ZNF705A: variants seen among roughly 807,000 people sequenced by gnomAD.
The protein encoded by ZNF705A is zinc finger protein 705A.
Under a neutral mutation model 16.6 loss-of-function variants are expected in ZNF705A, and 8 were observed. The observed-to-expected ratio is 0.48, with a 90% CI of 0.28 to 0.87. The LOEUF is 0.87. Among genes scored for constraint, ZNF705A ranks in the 40% least tolerant of loss-of-function variants. The pLI is 0.10. For missense variants in ZNF705A, 233 were observed against 359.9 expected, an observed-to-expected ratio of 0.65 and a Z score of 2.85; for synonymous variants, 73 against 117.3, an observed-to-expected ratio of 0.62 and a Z score of 2.44.
At chr12:8,162,999 AC>A (rs1471470672) in intron 1 of ZNF705A, among the ~76,000 whole-genome samples, 3 of 152,298 alleles carry the variant, frequency 2.0e-5, no homozygotes. Context: ...ATTCCTCAGA[AC>A]TGAGGAGGGA....
chr12:8,160,401 A>G (rs1164206396), intron 1 of ZNF705A, among the ~76,000 whole-genome samples: 1 of 152,080 alleles, frequency 6.6e-6, no homozygotes, highest in African/African-American at 2.4e-5. Context: ...GAATTTGTAG[A>G]TTGCTTTTGG....
In ZNF705A at chr12:8,176,881, G is replaced by A. The variant is rs192349259; in HGVS notation, c.319-118G>A. Reference sequence around the variant, plus strand: ...AATTTCCTTTCACACAAGAAACATTGGAAAGCTTTCAACTGGGGTCTACCA... The same window carrying A: ...AATTTCCTTTCACACAAGAAACATTAGAAAGCTTTCAACTGGGGTCTACCA... On this transcript the variant is annotated intron_variant, in intron 4 of 4. Coordinates refer to ENST00000359286, the Ensembl canonical transcript of ZNF705A. 7.3e-5 allele frequency: 105 copies of A among 1,437,398 alleles called. 1 individual carries two copies. The East Asian group carries it at 1.0e-3, about 14-fold the overall frequency. The allele number at this position is 1,437,398 out of a possible 1,614,324, so 89.0% of individuals were successfully genotyped here.
At chr12:8,165,715 C>G (rs372889343) in intron 1 of ZNF705A, among the ~76,000 whole-genome samples, 1 of 151,880 alleles carries the variant, frequency 6.6e-6, no homozygotes, top group Admixed American at 6.6e-5. Flanking sequence ...TCTGTTGTTC[C>G]GATCTTTACG....
At chr12:8,162,367 T>C (rs1250603773) in intron 1 of ZNF705A, among the ~76,000 whole-genome samples, 1 of 152,172 alleles carries the variant, frequency 6.6e-6, no homozygotes, top group Non-Finnish European at 1.5e-5. Flanking sequence ...AGTATGCCTT[T>C]GGAGTAGTCC....
intron 1 of ZNF705A, among the ~76,000 whole-genome samples, chr12:8,162,143 T>C (rs979977253): frequency 6.6e-6 from 1 of 152,140 alleles, no homozygotes; most frequent in Non-Finnish European, 1.5e-5. Context: ...AACTTGGGCA[T>C]AAATGTTTAG....
chr12:8,171,670 A>G (rs1212192553), upstream of ZNF705A, among the ~76,000 whole-genome samples: 2 of 152,196 alleles, frequency 1.3e-5, no homozygotes, highest in Non-Finnish European at 2.9e-5. Flanking sequence ...TTTAAGGGCT[A>G]GATTAGCAGG....
At chr12:8,159,468 C>G (rs1255850621) in intron 1 of ZNF705A, among the ~76,000 whole-genome samples, 1 of 152,104 alleles carries the variant, frequency 6.6e-6, no homozygotes, top group Non-Finnish European at 1.5e-5. Flanking sequence ...ATGTCAACAT[C>G]TATTGTTTTT....
intron 4 of ZNF705A, among the ~76,000 whole-genome samples, chr12:8,176,491 A>C (rs1467397374): frequency 1.3e-5 from 2 of 152,208 alleles, no homozygotes; most frequent in Non-Finnish European, 2.9e-5. Flanking sequence ...TTTCTGGCTC[A>C]GTGAATCTGG....
At chr12:8,172,810 A>T (rs1948455548) in intron 1 of ZNF705A, among the ~76,000 whole-genome samples, 173 bp downstream of exon 2, 1 of 152,240 alleles carries the variant, frequency 6.6e-6, no homozygotes, top group African/African-American at 2.4e-5. Flanking sequence ...GCTTTCAGGT[A>T]TCTGGCCTCC....
At chr12:8,158,131 A>G (rs1948325040) in intron 1 of ZNF705A, among the ~76,000 whole-genome samples, 1 of 152,160 alleles carries the variant, frequency 6.6e-6, no homozygotes, top group African/African-American at 2.4e-5. Flanking sequence ...ACATAGCTCA[A>G]AGAAAGGGAG....
At position 8,165,278 on chromosome 12, in the gene ZNF705A, ATT is replaced by A. The variant is rs36022408; in HGVS notation, c.-71-7256_-71-7255del. On this transcript the variant is annotated intron_variant, in intron 1 of 5. Coordinates refer to the ZNF705A transcript ENST00000396570. ...GAAATGTCTACTCAGATCTTTGCCC[ATT>A]TTTTTTTTTTTTTTTTTTTTGAGAT... is the stretch of plus-strand genomic sequence containing the variant. Among the ~76,000 whole-genome samples the A allele has an allele frequency of 6.3e-3, 596 of 94,368 alleles. 3 individuals are homozygous for A. Among genetic ancestry groups the A allele is most frequent in the Middle Eastern group, 0.041 (7 of 172 alleles). The allele number at this position is 94,368 out of a possible 152,430, so 61.9% of individuals were successfully genotyped here.
intron 1 of ZNF705A, among the ~76,000 whole-genome samples, chr12:8,164,726 A>G (rs890663813): frequency 2.6e-5 from 4 of 152,164 alleles, no homozygotes; most frequent in African/African-American, 9.7e-5. Context: ...TTCTTTATCC[A>G]GTCTGTCACT....
At chr12:8,179,352 C>T (rs969673806) in exon 5 of ZNF705A, 1 of 152,224 alleles carries the variant, frequency 6.6e-6, no homozygotes, top group African/African-American at 2.4e-5. Context: ...CCTTGCAAGC[C>T]TTTCCTATAT....
chr12:8,176,397 A>G (rs1272111611), intron 4 of ZNF705A, among the ~76,000 whole-genome samples: 1 of 152,202 alleles, frequency 6.6e-6, no homozygotes, highest in Non-Finnish European at 1.5e-5. Flanking sequence ...GAAGGCTCCA[A>G]ATTTAAAGGG....
intron 1 of ZNF705A, among the ~76,000 whole-genome samples, chr12:8,160,993 A>G (rs1231826559): frequency 6.6e-6 from 1 of 152,104 alleles, no homozygotes; most frequent in Non-Finnish European, 1.5e-5. Flanking sequence ...ACATTGAGGT[A>G]TGTCCCCTGT....
intron 1 of ZNF705A, among the ~76,000 whole-genome samples, chr12:8,173,977 T>C (rs183705664): frequency 2.7e-3 from 415 of 152,308 alleles, no homozygotes; most frequent in African/African-American, 9.6e-3. Flanking sequence ...AATCCGTAAT[T>C]TACTTGAAAT....
intron 1 of ZNF705A, among the ~76,000 whole-genome samples, chr12:8,164,781 T>C (rs1948383991): frequency 6.6e-6 from 1 of 152,228 alleles, no homozygotes; most frequent in Non-Finnish European, 1.5e-5. Flanking sequence ...TTGTGAATAG[T>C]GCTGCAATGA....
intron 1 of ZNF705A, among the ~76,000 whole-genome samples, chr12:8,159,333 G>C (rs1948334552): frequency 6.6e-6 from 1 of 152,196 alleles, no homozygotes. Flanking sequence ...TGGATACCCA[G>C]TAGTGAGATT....
chr12:8,168,530 C>T (rs1232460055), upstream of ZNF705A, among the ~76,000 whole-genome samples: 1 of 152,174 alleles, frequency 6.6e-6, no homozygotes, highest in Non-Finnish European at 1.5e-5. Context: ...GAACTGCCTC[C>T]TCCAAGATTC....
Sources: allele counts gnomAD v4.1 joint callset (sites outside exome capture counted in the v4.1 genomes callset), GRCh38; gene constraint gnomAD v4.1.1; transcripts MANE v1.5; gene names NCBI Gene and HGNC (gene_info 2026-07-23, HGNC 2026-07-21).